EYS: variants seen among roughly 807,000 people sequenced by gnomAD.
EYS encodes the protein protein eyes shut homolog.
In EYS, 250 loss-of-function variants were observed where a neutral mutation model predicts 282.1. The ratio of observed to expected loss-of-function variants is 0.89; its 90% CI spans 0.80 to 0.98. The LOEUF (loss-of-function observed/expected upper bound fraction) is 0.98. Among genes scored for constraint, EYS ranks in the 50% least tolerant of loss-of-function variants. EYS has a pLI of 0.00. For synonymous variants in EYS, 1,355 were observed against 1,282.9 expected (o/e 1.06, Z -1.20); for missense variants, 4,016 against 3,709.0 (o/e 1.08, Z -2.15).
chr6:64,827,030 A>T (rs1246817974), intron 19 of EYS, among the ~76,000 whole-genome samples: 1 of 151,868 alleles, frequency 6.6e-6, no homozygotes, highest in African/African-American at 2.4e-5. Flanking sequence ...AATACAATCA[A>T]CCGTGGAGTT....
chr6:64,808,051 TCTTCC>T (rs1764489901), intron 22 of EYS, among the ~76,000 whole-genome samples: 1 of 95,218 alleles, frequency 1.1e-5, no homozygotes, highest in African/African-American at 3.4e-5. Flanking sequence ...TCCTTTCCCT[TCTTCC>T]CTTCTTCCCT....
chr6:63,870,833 T>C (rs1015975619), intron 35 of EYS, among the ~76,000 whole-genome samples: 1 of 152,172 alleles, frequency 6.6e-6, no homozygotes, highest in African/African-American at 2.4e-5. Context: ...TAGATTATAA[T>C]CTGAAGCCTA....
chr6:65,407,337 C>A (rs1332631940), intron 5 of EYS, among the ~76,000 whole-genome samples: 1 of 152,062 alleles, frequency 6.6e-6, no homozygotes, highest in Non-Finnish European at 1.5e-5. Context: ...CTCATCACAA[C>A]CTCCAGCTCC....
intron 26 of EYS, among the ~76,000 whole-genome samples, chr6:64,454,233 C>T (rs143237168): frequency 4.5e-4 from 69 of 152,234 alleles, no homozygotes; most frequent in African/African-American, 1.6e-3. Flanking sequence ...TTATCCTATT[C>T]CATTTGACAG....
intron 8 of EYS, among the ~76,000 whole-genome samples, chr6:65,357,297 G>T (rs1764522891): frequency 6.6e-6 from 1 of 151,894 alleles, no homozygotes; most frequent in Non-Finnish European, 1.5e-5. Flanking sequence ...GTGTTGCTTT[G>T]ATTTTAGTCT....
chr6:64,712,991 C>A (rs971698237), intron 22 of EYS, among the ~76,000 whole-genome samples: 1 of 152,202 alleles, frequency 6.6e-6, no homozygotes, highest in African/African-American at 2.4e-5. Flanking sequence ...ACCACTGACA[C>A]AGTCAAAATA....
intron 2 of EYS, among the ~76,000 whole-genome samples, chr6:65,611,208 T>C (rs1015583691): frequency 2.0e-5 from 3 of 151,636 alleles, no homozygotes; most frequent in African/African-American, 7.2e-5. Flanking sequence ...TCTTCTTGGC[T>C]ACCCTTCCTT....
At chr6:64,251,742 T>C (rs950107634) in intron 30 of EYS, among the ~76,000 whole-genome samples, 2 of 152,144 alleles carry the variant, frequency 1.3e-5, no homozygotes, top group Admixed American at 1.3e-4. Flanking sequence ...TAGTATGTGC[T>C]AGGTAGTGAG....
intron 26 of EYS, among the ~76,000 whole-genome samples, chr6:64,441,284 G>A (rs1359002345): frequency 6.6e-6 from 1 of 152,086 alleles, no homozygotes; most frequent in Non-Finnish European, 1.5e-5. Flanking sequence ...ATCTCAGCTG[G>A]TTCAGGTTAC....
chr6:64,673,254 G>A (rs1415240501), intron 22 of EYS, among the ~76,000 whole-genome samples: 1 of 152,010 alleles, frequency 6.6e-6, no homozygotes, highest in African/African-American at 2.4e-5. Context: ...TAGACATCCA[G>A]GACACAGAAG....
chr6:65,072,164 T>C (rs986970230), intron 12 of EYS, among the ~76,000 whole-genome samples: 15 of 151,810 alleles, frequency 9.9e-5, no homozygotes, highest in Non-Finnish European at 2.1e-4. Flanking sequence ...CCCTATAAAC[T>C]CACAATATTG....
At chr6:64,152,294 T>C (rs960336085) in intron 31 of EYS, among the ~76,000 whole-genome samples, 3 of 152,194 alleles carry the variant, frequency 2.0e-5, no homozygotes, top group Non-Finnish European at 2.9e-5. Flanking sequence ...AAAAAAGTGA[T>C]AACAAATTTG....
intron 35 of EYS, among the ~76,000 whole-genome samples, chr6:63,973,770 A>G (rs958351260): frequency 5.9e-5 from 9 of 152,108 alleles, no homozygotes; most frequent in Non-Finnish European, 1.0e-4. Context: ...GTCAGTAACC[A>G]ATACCCAGAT....
chr6:64,036,751 A>T (rs1770140803), intron 33 of EYS, among the ~76,000 whole-genome samples: 1 of 152,228 alleles, frequency 6.6e-6, no homozygotes, highest in South Asian at 2.1e-4. Flanking sequence ...CTGATTTAGG[A>T]CACTGCTAAA....
chr6:64,260,160 C>G (rs1399507120), intron 30 of EYS, among the ~76,000 whole-genome samples: 1 of 151,494 alleles, frequency 6.6e-6, no homozygotes, highest in Admixed American at 6.6e-5. Flanking sequence ...TCCTTCATTT[C>G]TTTTACCCTG....
At chr6:64,379,082 C>T (rs1253090213) in intron 29 of EYS, among the ~76,000 whole-genome samples, 1 of 152,144 alleles carries the variant, frequency 6.6e-6, no homozygotes, top group East Asian at 1.9e-4. Context: ...TGAAAATTCT[C>T]TAAATTCATG....
intron 31 of EYS, among the ~76,000 whole-genome samples, chr6:64,096,296 C>T (rs1380759212): frequency 6.6e-6 from 1 of 152,140 alleles, no homozygotes; most frequent in African/African-American, 2.4e-5. Context: ...GAATGTTGGC[C>T]TGCCTTGCTA....
chr6:64,355,531 C>T (rs1182400588), intron 29 of EYS, among the ~76,000 whole-genome samples: 1 of 151,562 alleles, frequency 6.6e-6, no homozygotes, highest in Non-Finnish European at 1.5e-5. Flanking sequence ...TACTCCAATA[C>T]TAACTGTTAA....
At chr6:64,747,033 A>G (rs1035814822) in intron 22 of EYS, among the ~76,000 whole-genome samples, 2 of 152,170 alleles carry the variant, frequency 1.3e-5, no homozygotes, top group African/African-American at 4.8e-5. Context: ...ATTTTCTACC[A>G]CTACAACCAC....
Sources: gnomAD v4.1 joint callset for allele counts (sites outside exome capture counted in the v4.1 genomes callset) on GRCh38, gnomAD v4.1.1 for gene constraint, MANE v1.5 for transcripts, NCBI Gene and HGNC (gene_info 2026-07-23, HGNC 2026-07-21) for gene names.